Variants in AUTS2 observed in about 807,000 individuals in gnomAD.
AUTS2 encodes activator of transcription and developmental regulator AUTS2.
Under a neutral mutation model 112.4 loss-of-function variants are expected in AUTS2, and 17 were observed. The ratio of observed to expected loss-of-function variants is 0.15; its 90% CI spans 0.10 to 0.23. The LOEUF (loss-of-function observed/expected upper bound fraction) is 0.23. Ranked by LOEUF, AUTS2 falls within the 10% of genes least tolerant of loss-of-function variation. AUTS2 has a pLI of 1.00. For synonymous variants in AUTS2, 751 were observed against 702.7 expected (o/e 1.07, Z -1.09); for missense variants, 1,510 against 1,701.6 (o/e 0.89, Z 1.98).
At chr7:69,770,421 G>A (rs1356907671) in intron 1 of AUTS2, among the ~76,000 whole-genome samples, 1 of 152,122 alleles carries the variant, frequency 6.6e-6, no homozygotes, top group Admixed American at 6.5e-5. Flanking sequence ...ATGATGGGTC[G>A]GTGGATTTCC....
At chr7:70,669,928 A>G (rs1807549968) in intron 5 of AUTS2, among the ~76,000 whole-genome samples, 1 of 152,236 alleles carries the variant, frequency 6.6e-6, no homozygotes, top group Admixed American at 6.5e-5. Flanking sequence ...TAAACAGGGC[A>G]TGGAAGAATT....
intron 5 of AUTS2, among the ~76,000 whole-genome samples, chr7:70,618,761 A>G (rs1337595431): frequency 6.6e-6 from 1 of 152,140 alleles, no homozygotes; most frequent in Non-Finnish European, 1.5e-5. Context: ...AAACACAGGG[A>G]GAGAGAGAGC....
intron 2 of AUTS2, among the ~76,000 whole-genome samples, chr7:69,981,576 CA>C: frequency 6.6e-6 from 1 of 152,028 alleles, no homozygotes; most frequent in Admixed American, 6.6e-5. Context: ...TTTTATATCC[CA>C]TTATAACCAT....
chr7:70,153,015 T>A (rs1192693962), intron 4 of AUTS2, among the ~76,000 whole-genome samples: 1 of 152,144 alleles, frequency 6.6e-6, no homozygotes, highest in Non-Finnish European at 1.5e-5. Context: ...GTTTGATAAT[T>A]TATTAAAATG....
chr7:69,823,079 C>G (rs1791069345), intron 1 of AUTS2, among the ~76,000 whole-genome samples: 1 of 152,158 alleles, frequency 6.6e-6, no homozygotes, highest in African/African-American at 2.4e-5. Flanking sequence ...TCCTAGCAAG[C>G]ATATTGGTAC....
rs1039534793 is a variant in AUTS2, at chr7:69,609,861, G to T, written c.309+9899G>T. Among the ~76,000 whole-genome samples the T allele has an allele frequency of 2.0e-5, 3 of 152,332 alleles. No homozygotes were observed. In the South Asian group the frequency reaches 6.2e-4, roughly 32 times the overall value. ...TTCATAGCCATTCATATAATGAAAAGAAGTTTTCATGGGATTGTAATAACA... is the reference window on the plus strand; with the variant it reads ...TTCATAGCCATTCATATAATGAAAATAAGTTTTCATGGGATTGTAATAACA... On this transcript the variant is annotated intron_variant, in intron 1 of 18. Transcript: ENST00000342771.
chr7:70,273,471 T>TTTATTATTATTA (rs71077642), intron 4 of AUTS2, among the ~76,000 whole-genome samples: 2 of 150,568 alleles, frequency 1.3e-5, no homozygotes, highest in African/African-American at 2.4e-5. Flanking sequence ...ACCTATAGCT[T>TTTATTATTATTA]TTATTATTAT....
rs369444982 is a variant in AUTS2, at chr7:69,614,356, C to CT, written c.309+14397dup. Among the ~76,000 whole-genome samples, 507 of 82,908 alleles carry CT rather than the reference C, an allele frequency of 6.1e-3. 25 individuals are homozygous for CT. Among genetic ancestry groups the CT allele is most frequent in the South Asian group, 8.4e-3 (19 of 2,250 alleles). The allele number at this position is 82,908 out of a possible 152,430, so 54.4% of individuals were successfully genotyped here. On this transcript the variant is annotated intron_variant, in intron 1 of 18. Coordinates refer to ENST00000342771, the MANE Select transcript of AUTS2 (RefSeq NM_015570.4). ...TCTTTCTTTCTTTCTTTCTTTCTTTCTTTCTTTCTTTTTTTAAGAGATGGG... is the reference window on the plus strand; with the variant it reads ...TCTTTCTTTCTTTCTTTCTTTCTTTCTTTTCTTTCTTTTTTTAAGAGATGGG...
At position 69,609,123 on chromosome 7, in the gene AUTS2, A is replaced by G. The variant is rs928268638; in HGVS notation, c.309+9161A>G. 1.3e-5 allele frequency among the ~76,000 whole-genome samples: 2 copies of G among 152,166 alleles called. 1 individual carries two copies. The highest frequency in any genetic ancestry group is 1.3e-4 in the Admixed American group (2 of 15,272). ...AACAACAGCCCACAGGGGTTAATTG[A>G]CCTGTTCAAGATCACACTGGGAGTT... On this transcript the variant is annotated intron_variant, in intron 1 of 18. Coordinates refer to ENST00000342771, the MANE Select transcript of AUTS2 (RefSeq NM_015570.4).
At chr7:70,229,041 ATAT>A (rs1811915260) in intron 4 of AUTS2, among the ~76,000 whole-genome samples, 2 of 151,622 alleles carry the variant, frequency 1.3e-5, no homozygotes, top group East Asian at 3.9e-4. Context: ...TAATCTTTCT[ATAT>A]TATATGTCCT....
At chr7:70,460,725 G>C (rs551632346) in intron 5 of AUTS2, among the ~76,000 whole-genome samples, 1 of 152,226 alleles carries the variant, frequency 6.6e-6, no homozygotes, top group Admixed American at 6.5e-5. Context: ...TCAGCCCTGA[G>C]GCCTGGCTTA....
chr7:70,547,126 A>C (rs1800820980), intron 5 of AUTS2, among the ~76,000 whole-genome samples: 1 of 152,164 alleles, frequency 6.6e-6, no homozygotes, highest in African/African-American at 2.4e-5. Context: ...TCATTCCAGT[A>C]AAATCCCTCA....
intron 1 of AUTS2, among the ~76,000 whole-genome samples, chr7:69,790,386 G>A (rs1217689120): frequency 6.6e-6 from 1 of 152,160 alleles, no homozygotes; most frequent in Non-Finnish European, 1.5e-5. Flanking sequence ...GGAGGATAAC[G>A]GAAAGGGTGT....
intron 2 of AUTS2, among the ~76,000 whole-genome samples, chr7:70,113,895 G>A (rs900994522): frequency 6.6e-6 from 1 of 152,136 alleles, no homozygotes; most frequent in African/African-American, 2.4e-5. Flanking sequence ...ATGGGACTTC[G>A]TTACATGTTC....
In AUTS2 at chr7:69,692,203, A is replaced by G. The variant is rs556673874; in HGVS notation, c.309+92241A>G. ...TCCAAGTGCCATTCCAAGTCTGTAG[A>G]GATAATAGAACAAACGTAATTTTTT... On this transcript the variant is annotated intron_variant, in intron 1 of 18. Coordinates refer to ENST00000342771, the MANE Select transcript of AUTS2 (RefSeq NM_015570.4). Among the ~76,000 whole-genome samples, 86 of 152,332 alleles carry G rather than the reference A, an allele frequency of 5.6e-4. 1 individual carries two copies. Among genetic ancestry groups the G allele is most frequent in the African/African-American group, 1.8e-3 (76 of 41,580 alleles).
At chr7:70,601,106 A>G (rs999850605) in intron 5 of AUTS2, among the ~76,000 whole-genome samples, 15 of 152,348 alleles carry the variant, frequency 9.8e-5, no homozygotes, top group African/African-American at 3.6e-4. Context: ...ACTGTTTTCC[A>G]AAGTGACTGT....
At chr7:70,406,419 T>C (rs1794536118) in intron 4 of AUTS2, among the ~76,000 whole-genome samples, 1 of 152,222 alleles carries the variant, frequency 6.6e-6, no homozygotes, top group Non-Finnish European at 1.5e-5. Flanking sequence ...ACAAGCCCTC[T>C]TCCCCATCTT....
At chr7:70,417,695 A>C (rs1325229429) in intron 4 of AUTS2, among the ~76,000 whole-genome samples, 1 of 152,156 alleles carries the variant, frequency 6.6e-6, no homozygotes. Flanking sequence ...ACTGGGAAGG[A>C]TGAGCTTTTC....
At chr7:70,742,080 G>C (rs1267231765) in intron 6 of AUTS2, among the ~76,000 whole-genome samples, 1 of 152,286 alleles carries the variant, frequency 6.6e-6, no homozygotes, top group Admixed American at 6.5e-5. Context: ...AGCAGCTCCT[G>C]TTTCTTTGTT....
Sources: allele counts gnomAD v4.1 joint callset (sites outside exome capture counted in the v4.1 genomes callset), GRCh38; gene constraint gnomAD v4.1.1; transcripts MANE v1.5; gene names NCBI Gene and HGNC (gene_info 2026-07-23, HGNC 2026-07-21).